Variants in ANO6 observed in about 807,000 individuals in gnomAD.
The protein encoded by ANO6 is anoctamin 6.
In ANO6, 106 loss-of-function variants were observed where a neutral mutation model predicts 117.5. The observed-to-expected ratio is 0.90, with a 90% CI of 0.77 to 1.06. ANO6 has a LOEUF of 1.06. Ranked by LOEUF, ANO6 falls within the 50% of genes least tolerant of loss-of-function variation. The probability of loss-of-function intolerance (pLI) is 0.00; values close to 1 mark genes in which losing one functional copy is unlikely to be tolerated. For synonymous variants in ANO6, 367 were observed against 385.1 expected (o/e 0.95, Z 0.55); for missense variants, 955 against 1,121.1 (o/e 0.85, Z 2.12).
chr12:45,323,930 G>GTT (rs1375736070), intron 2 of ANO6, among the ~76,000 whole-genome samples: 1 of 124,434 alleles, frequency 8.0e-6, no homozygotes, highest in African/African-American at 2.9e-5. Flanking sequence ...TGTTGTTGTT[G>GTT]TTGTATTTTT....
chr12:45,407,426 G>C (rs1289669558), intron 15 of ANO6, among the ~76,000 whole-genome samples: 1 of 137,758 alleles, frequency 7.3e-6, no homozygotes, highest in Non-Finnish European at 1.5e-5. Flanking sequence ...AGTGACCTTA[G>C]AGTTCGGTGT....
chr12:45,221,484 A>G (rs766010222), intron 1 of ANO6, among the ~76,000 whole-genome samples: 1 of 152,160 alleles, frequency 6.6e-6, no homozygotes, highest in Non-Finnish European at 1.5e-5. Flanking sequence ...GCCGTGAAGG[A>G]TCCTCCATAC....
At chr12:45,302,997 A>G (rs944547163) in intron 2 of ANO6, among the ~76,000 whole-genome samples, 2 of 152,194 alleles carry the variant, frequency 1.3e-5, no homozygotes, top group Non-Finnish European at 2.9e-5. Context: ...GGTAAAGACC[A>G]AAAAAACCTC....
intron 2 of ANO6, among the ~76,000 whole-genome samples, chr12:45,308,180 A>G (rs886367843): frequency 5.4e-5 from 8 of 147,284 alleles, no homozygotes; most frequent in Non-Finnish European, 1.0e-4. Context: ...GGAGCAGTTC[A>G]GTAGGGAGAG....
intron 3 of ANO6, among the ~76,000 whole-genome samples, chr12:45,332,194 T>C (rs1343494016): frequency 6.6e-6 from 1 of 152,006 alleles, no homozygotes; most frequent in Non-Finnish European, 1.5e-5. Context: ...CCAAAAAAGA[T>C]TGCATATATG....
intron 9 of ANO6, among the ~76,000 whole-genome samples, chr12:45,371,226 A>G (rs896768551): frequency 3.9e-4 from 59 of 152,206 alleles, no homozygotes; most frequent in Non-Finnish European, 7.8e-4. Flanking sequence ...ATGGAGTCTC[A>G]CTGATTGCTA....
Position 45,431,650 on chromosome 12 carries a change from A to G in ANO6, c.*2339A>G, listed in dbSNP as rs867235798. 2 of 985,428 alleles carry G rather than the reference A, an allele frequency of 2.0e-6. No individual in the cohort carries two copies. The highest frequency in any genetic ancestry group is 5.2e-4 in the Middle Eastern group (1 of 1,912). The allele number at this position is 985,428 out of a possible 1,614,324, so 61.0% of individuals were successfully genotyped here. A position where few individuals can be genotyped will look rare whatever the true frequency, so the allele number is the denominator to read the frequency against. ...AGGGTCATTTCCCCATGCCATCCACAGTGTTTGTTAGTGAGTCCACGGCTG... is the reference window on the plus strand; with the variant it reads ...AGGGTCATTTCCCCATGCCATCCACGGTGTTTGTTAGTGAGTCCACGGCTG... On this transcript the variant is annotated 3_prime_UTR_variant, in exon 20 of 20. Coordinates refer to ENST00000320560, the MANE Select transcript of ANO6 (RefSeq NM_001025356.3).
chr12:45,239,081 T>C (rs1043226474), intron 1 of ANO6, among the ~76,000 whole-genome samples: 2 of 152,228 alleles, frequency 1.3e-5, no homozygotes, highest in Non-Finnish European at 2.9e-5. Context: ...GGATTCCCTC[T>C]TTTTCTATTG....
intron 1 of ANO6, among the ~76,000 whole-genome samples, chr12:45,257,519 C>A (rs746469198): frequency 6.6e-6 from 1 of 152,202 alleles, no homozygotes; most frequent in Admixed American, 6.5e-5. Context: ...TGAATGGCAT[C>A]CCCATTTCAC....
Position 45,432,275 on chromosome 12 carries a change from TTAA to T in ANO6, c.*2966_*2968del, listed in dbSNP as rs1029845686. ...GCATTTTAATATTCTTTTATAATTA[TTAA>T]TGTTAATTTCTGTGCATTTTAATAT... On this transcript the variant is annotated 3_prime_UTR_variant, in exon 20 of 20. Coordinates refer to ENST00000320560, the MANE Select transcript of ANO6 (RefSeq NM_001025356.3). 213 of 937,176 alleles carry T rather than the reference TTAA, an allele frequency of 2.3e-4. 1 individual carries two copies. The highest frequency in any genetic ancestry group is 8.2e-4 in the African/African-American group (46 of 55,766). 58.1% of individuals were successfully genotyped at this position (937,176 alleles called of 1,614,324 possible).
Position 45,422,592 on chromosome 12 carries a change from T to G in ANO6, c.2421-365T>G, listed in dbSNP as rs1361655867. Among the ~76,000 whole-genome samples, 6 of 151,612 alleles carry G rather than the reference T, an allele frequency of 4.0e-5. No homozygotes were observed. The East Asian group carries it at 1.2e-3, about 29-fold the overall frequency. ...CAAATATGACTTTTTTTTTTTTTTT[T>G]GAGACAGCGTCCTGCTCTGTTGCCC... On this transcript the variant is annotated intron_variant, in intron 18 of 19. Coordinates refer to ENST00000320560, the MANE Select transcript of ANO6 (RefSeq NM_001025356.3).
chr12:45,430,053 T>C lies in ANO6; in HGVS notation c.*742T>C, dbSNP rs1175177947. ...ATCAATGTTGACTGCTTTGCAGATCTCAAGGGAATAAAATGACAAAAGCAG... is the reference window on the plus strand; with the variant it reads ...ATCAATGTTGACTGCTTTGCAGATCCCAAGGGAATAAAATGACAAAAGCAG... On this transcript the variant is annotated 3_prime_UTR_variant, in exon 20 of 20. Transcript: ENST00000320560. 4.0e-5 allele frequency: 39 copies of C among 985,352 alleles called. No homozygotes were observed. The highest frequency in any genetic ancestry group is 4.5e-5 in the Non-Finnish European group (37 of 829,964). 61.0% of individuals were successfully genotyped at this position (985,352 alleles called of 1,614,324 possible). A position where few individuals can be genotyped will look rare whatever the true frequency, so the allele number is the denominator to read the frequency against.
intron 1 of ANO6, among the ~76,000 whole-genome samples, chr12:45,271,253 C>G (rs1264853428): frequency 6.6e-6 from 1 of 152,088 alleles, no homozygotes; most frequent in African/African-American, 2.4e-5. Flanking sequence ...TATGGCATAA[C>G]AAAAGGGAGT....
At chr12:45,297,756 A>G (rs1939342764) in intron 1 of ANO6, among the ~76,000 whole-genome samples, 1 of 152,194 alleles carries the variant, frequency 6.6e-6, no homozygotes. Context: ...TGTGTTATAT[A>G]ATTAATTCTA....
intron 2 of ANO6, among the ~76,000 whole-genome samples, chr12:45,304,144 T>C (rs1476004230): frequency 1.3e-5 from 2 of 152,080 alleles, no homozygotes; most frequent in Non-Finnish European, 2.9e-5. Flanking sequence ...AGCATCAGCT[T>C]AGCCAGTGTA....
intron 12 of ANO6, among the ~76,000 whole-genome samples, chr12:45,399,483 C>T (rs1006795968): frequency 3.3e-5 from 5 of 152,058 alleles, no homozygotes; most frequent in East Asian, 1.9e-4. Context: ...CGTGAGCCAC[C>T]GCGCCTGGCC....
intron 16 of ANO6, among the ~76,000 whole-genome samples, chr12:45,416,016 A>G (rs185338761): frequency 2.6e-5 from 4 of 152,332 alleles, no homozygotes; most frequent in Admixed American, 6.5e-5. Flanking sequence ...ATTACAAACA[A>G]GGAGAAAAGA....
At chr12:45,370,502 T>C (rs1410068267) in intron 9 of ANO6, among the ~76,000 whole-genome samples, 2 of 152,210 alleles carry the variant, frequency 1.3e-5, no homozygotes, top group African/African-American at 2.4e-5. Flanking sequence ...GTCTTCTTTT[T>C]GGAGTAGGTG....
At chr12:45,331,248 T>C (rs1442604725) in intron 2 of ANO6, 47 bp from the exon 3 acceptor site, 1 of 1,532,700 alleles carries the variant, frequency 6.5e-7, no homozygotes, top group East Asian at 2.3e-5. Flanking sequence ...AAGTCAGCAT[T>C]TTTTCAAAAA....
Sources: allele counts gnomAD v4.1 joint callset (sites outside exome capture counted in the v4.1 genomes callset), GRCh38; gene constraint gnomAD v4.1.1; transcripts MANE v1.5; gene names NCBI Gene and HGNC (gene_info 2026-07-23, HGNC 2026-07-21).